GRIA4: variants seen among roughly 807,000 people sequenced by gnomAD.
GRIA4 encodes the protein glutamate receptor 4.
Under a neutral mutation model 104.0 loss-of-function variants are expected in GRIA4, and 34 were observed. The ratio of observed to expected loss-of-function variants is 0.33; its 90% CI spans 0.25 to 0.44. The LOEUF is 0.44. GRIA4 is among the 20% of genes least tolerant of loss of function. GRIA4 has a pLI of 1.00. For synonymous variants in GRIA4, 386 were observed against 381.9 expected, an observed-to-expected ratio of 1.01 and a Z score of -0.13; for missense variants, 750 against 1,096.5, an observed-to-expected ratio of 0.68 and a Z score of 4.46.
At chr11:105,951,860 G>T (rs1948464602) in intron 14 of GRIA4, among the ~76,000 whole-genome samples, 1 of 152,082 alleles carries the variant, frequency 6.6e-6, no homozygotes, top group African/African-American at 2.4e-5. Flanking sequence ...TACTCAGGAG[G>T]CTGAGGTGGG....
At position 105,668,916 on chromosome 11, in the gene GRIA4, T is replaced by C. The variant is rs150973708; in HGVS notation, c.247+56482T>C. Among the ~76,000 whole-genome samples the C allele has an allele frequency of 5.1e-4, 78 of 152,078 alleles. No homozygotes were observed. The East Asian group carries it at 0.013, about 25-fold the overall frequency. On this transcript the variant is annotated intron_variant, in intron 3 of 16. Coordinates refer to ENST00000282499, the MANE Select transcript of GRIA4 (RefSeq NM_000829.4). ...TTGACTGCTTTAATATTGACGACTT[T>C]CCTGAGCTCCATGTATCTGTCTCTA... is the stretch of plus-strand genomic sequence containing the variant.
At chr11:105,687,021 T>G (rs1028112648) in intron 3 of GRIA4, among the ~76,000 whole-genome samples, 4 of 152,198 alleles carry the variant, frequency 2.6e-5, no homozygotes, top group Admixed American at 2.0e-4. Flanking sequence ...GGTTGACCAT[T>G]TACTCTGTTG....
At chr11:105,837,343 AC>A (rs36090177) in intron 4 of GRIA4, among the ~76,000 whole-genome samples, 1 of 152,142 alleles carries the variant, frequency 6.6e-6, no homozygotes, top group Non-Finnish European at 1.5e-5. Context: ...GTGAGAATGT[AC>A]CCACTATATC....
chr11:105,859,289 C>A (rs995085723), intron 4 of GRIA4, among the ~76,000 whole-genome samples: 4 of 152,108 alleles, frequency 2.6e-5, no homozygotes, highest in African/African-American at 9.7e-5. Flanking sequence ...ACTGCATGTC[C>A]TTTGCACTGC....
At chr11:105,952,453 A>G (rs1029680662) in intron 14 of GRIA4, among the ~76,000 whole-genome samples, 1 of 152,176 alleles carries the variant, frequency 6.6e-6, no homozygotes, top group East Asian at 1.9e-4. Flanking sequence ...CTCAACACTA[A>G]AAATGTAATT....
At chr11:105,885,578 C>T (rs1393305042) in intron 5 of GRIA4, among the ~76,000 whole-genome samples, 1 of 152,212 alleles carries the variant, frequency 6.6e-6, no homozygotes, top group African/African-American at 2.4e-5. Flanking sequence ...TTCCCAAGAA[C>T]AGAAGCTTTG....
chr11:105,802,256 A>G (rs1942752351), intron 4 of GRIA4, among the ~76,000 whole-genome samples: 1 of 152,150 alleles, frequency 6.6e-6, no homozygotes, highest in Admixed American at 6.6e-5. Flanking sequence ...AGAACACCAA[A>G]AGCAGAGCCC....
At chr11:105,818,174 A>T (rs1390218843) in intron 4 of GRIA4, among the ~76,000 whole-genome samples, 1 of 152,048 alleles carries the variant, frequency 6.6e-6, no homozygotes, top group Non-Finnish European at 1.5e-5. Flanking sequence ...GGCACAGGAG[A>T]TCCCCAGAAT....
intron 3 of GRIA4, among the ~76,000 whole-genome samples, chr11:105,702,436 A>G (rs1371779859): frequency 6.6e-6 from 1 of 151,996 alleles, no homozygotes; most frequent in East Asian, 1.9e-4. Flanking sequence ...TAATTAGAAA[A>G]CCAAATAAAA....
intron 4 of GRIA4, among the ~76,000 whole-genome samples, chr11:105,827,488 ATCT>A (rs530759675): frequency 1.2e-3 from 187 of 152,170 alleles, no homozygotes; most frequent in Middle Eastern, 3.4e-3. Flanking sequence ...CTTAAAATAA[ATCT>A]TCTTCATTTC....
At chr11:105,716,007 AG>A (rs1954077387) in intron 3 of GRIA4, among the ~76,000 whole-genome samples, 1 of 152,226 alleles carries the variant, frequency 6.6e-6, no homozygotes, top group African/African-American at 2.4e-5. Context: ...GTAGACATAC[AG>A]GGCTCTGTTA....
intron 3 of GRIA4, among the ~76,000 whole-genome samples, chr11:105,719,990 A>C (rs939258915): frequency 6.6e-6 from 1 of 151,778 alleles, no homozygotes; most frequent in Non-Finnish European, 1.5e-5. Flanking sequence ...AGTACTAATT[A>C]TTGTATTTTA....
rs547611209 is a variant in GRIA4 at position 105,756,809 on chromosome 11, A to G, written c.487+3589A>G. On this transcript the variant is annotated intron_variant, in intron 4 of 16. Transcript: ENST00000282499. Reference sequence around the variant, plus strand: ...TACAATAATTTTTATCAGTCATCCAAATATATTTGCTTACAAACTCTTGTT... The same window carrying G: ...TACAATAATTTTTATCAGTCATCCAGATATATTTGCTTACAAACTCTTGTT... 3.9e-5 allele frequency among the ~76,000 whole-genome samples: 6 copies of G among 152,238 alleles called. 1 individual carries two copies. Among genetic ancestry groups the G allele is most frequent in the South Asian group, 2.1e-4 (1 of 4,820 alleles).
In GRIA4 at chr11:105,753,095, G is replaced by A. The variant is rs765512313; in HGVS notation, c.362G>A (p.Ser121Asn). ...SALHISLITP[S>N]FPTEGESQFV... The stretch of plus-strand genomic sequence containing the variant: ...TTACATATCTCCCTCATCACACCAA[G>A]TTTCCCTACTGAGGGGGAGAGCCAG... Residue 121 changes from serine to asparagine, a missense_variant, in exon 4 of 17, where the codon AGT (serine) becomes AAT (asparagine). Transcript: ENST00000282499. 69 of 1,613,832 alleles carry A rather than the reference G, an allele frequency of 4.3e-5. No homozygotes were observed. The highest frequency in any genetic ancestry group is 5.1e-5 in the Non-Finnish European group (60 of 1,179,888).
At chr11:105,942,143 C>T (rs542458632) in intron 14 of GRIA4, among the ~76,000 whole-genome samples, 59 of 152,046 alleles carry the variant, frequency 3.9e-4, no homozygotes, top group Non-Finnish European at 6.3e-4. Flanking sequence ...AGTCCCCTAA[C>T]CTTTGGCTTA....
intron 3 of GRIA4, among the ~76,000 whole-genome samples, chr11:105,712,015 A>G (rs909077212): frequency 6.6e-6 from 1 of 152,182 alleles, no homozygotes; most frequent in Non-Finnish European, 1.5e-5. Flanking sequence ...TCTCTATGAT[A>G]GAGTTTTTGA....
intron 3 of GRIA4, among the ~76,000 whole-genome samples, chr11:105,688,144 CTATA>C (rs766233419): frequency 0.021 from 1,247 of 60,126 alleles, 6 homozygotes; most frequent in African/African-American, 0.036. Flanking sequence ...ATATCTATAT[CTATA>C]TCTATATCTC....
chr11:105,777,733 G>A (rs1941512959), intron 4 of GRIA4, among the ~76,000 whole-genome samples: 2 of 152,164 alleles, frequency 1.3e-5, no homozygotes, highest in South Asian at 4.1e-4. Flanking sequence ...ACACACTGAA[G>A]TGACAACCGT....
At chr11:105,757,094 T>C (rs1253050931) in intron 4 of GRIA4, among the ~76,000 whole-genome samples, 1 of 152,156 alleles carries the variant, frequency 6.6e-6, no homozygotes, top group Non-Finnish European at 1.5e-5. Context: ...CCAACTCTCT[T>C]CAGAGCATCT....
Sources: allele counts gnomAD v4.1 joint callset (sites outside exome capture counted in the v4.1 genomes callset), GRCh38; gene constraint gnomAD v4.1.1; transcripts MANE v1.5; gene names NCBI Gene and HGNC (gene_info 2026-07-23, HGNC 2026-07-21).